The following DCDC2C variants were observed in gnomAD, a reference collection of about 807,000 sequenced individuals.
DCDC2C encodes doublecortin domain containing 2C, also known as doublecortin domain-containing protein 2C.
DCDC2C carries 44 observed loss-of-function variants against 45.0 expected under a neutral mutation model. The observed-to-expected ratio is 0.98, with a 90% CI of 0.77 to 1.26. The LOEUF (loss-of-function observed/expected upper bound fraction) is 1.26. Among genes scored for constraint, DCDC2C ranks in the 50% most tolerant of loss-of-function variants. DCDC2C has a pLI of 0.00. For missense variants in DCDC2C, 447 were observed against 468.9 expected, an observed-to-expected ratio of 0.95 and a Z score of 0.43; for synonymous variants, 187 against 178.8, an observed-to-expected ratio of 1.05 and a Z score of -0.37.
intron 10 of DCDC2C, among the ~76,000 whole-genome samples, chr2:3,801,304 G>A (rs893584956): frequency 1.3e-5 from 2 of 152,182 alleles, no homozygotes; most frequent in African/African-American, 4.8e-5. Flanking sequence ...ACCTATGTAC[G>A]TAACCTGTCC....
intron 10 of DCDC2C, among the ~76,000 whole-genome samples, chr2:3,826,091 A>G (rs1016592733): frequency 6.6e-6 from 1 of 152,230 alleles, no homozygotes. Flanking sequence ...AAATTTATAT[A>G]TTCTGTAATA....
At chr2:3,721,240 C>T (rs1668491672) in intron 2 of DCDC2C, among the ~76,000 whole-genome samples, 1 of 152,016 alleles carries the variant, frequency 6.6e-6, no homozygotes, top group Non-Finnish European at 1.5e-5. Flanking sequence ...TATTTCATTG[C>T]ATCTGTTCTA....
intron 10 of DCDC2C, among the ~76,000 whole-genome samples, chr2:3,826,770 C>A (rs979307285): frequency 9.2e-5 from 14 of 152,150 alleles, no homozygotes; most frequent in African/African-American, 3.1e-4. Context: ...AAAGCACCTG[C>A]AGCCCCCATT....
intron 4 of DCDC2C, among the ~76,000 whole-genome samples, chr2:3,750,436 G>A (rs1033436938): frequency 6.6e-6 from 1 of 152,120 alleles, no homozygotes; most frequent in Admixed American, 6.5e-5. Context: ...TTCTTGGCGT[G>A]GGTGTCTGTG....
At chr2:3,731,565 T>C (rs993031212) in intron 3 of DCDC2C, among the ~76,000 whole-genome samples, 2 of 152,242 alleles carry the variant, frequency 1.3e-5, no homozygotes, top group Admixed American at 1.3e-4. Context: ...TTCTCACTGA[T>C]TGCGCCTTTT....
intron 10 of DCDC2C, among the ~76,000 whole-genome samples, chr2:3,815,731 G>A (rs768714576): frequency 4.6e-5 from 7 of 151,208 alleles, no homozygotes; most frequent in Non-Finnish European, 8.8e-5. Flanking sequence ...TTGTTCTCTG[G>A]CAGGGGCAGG....
chr2:3,729,781 A>T (rs1668807741), intron 3 of DCDC2C, among the ~76,000 whole-genome samples: 1 of 152,202 alleles, frequency 6.6e-6, no homozygotes, highest in African/African-American at 2.4e-5. Flanking sequence ...CTGGATGAAC[A>T]GTAAATGTTC....
At chr2:3,826,438 T>C (rs556239349) in intron 10 of DCDC2C, among the ~76,000 whole-genome samples, 1 of 152,362 alleles carries the variant, frequency 6.6e-6, no homozygotes, top group South Asian at 2.1e-4. Flanking sequence ...TTAATTGATA[T>C]AATGCTTGGG....
At chr2:3,759,237 T>G (rs1000874536) in intron 6 of DCDC2C, among the ~76,000 whole-genome samples, 4 of 152,198 alleles carry the variant, frequency 2.6e-5, no homozygotes, top group African/African-American at 9.6e-5. Context: ...ATGTAAAATC[T>G]TGGAGGGTAT....
chr2:3,728,227 C>T (rs940548609), intron 3 of DCDC2C, among the ~76,000 whole-genome samples: 4 of 152,152 alleles, frequency 2.6e-5, no homozygotes, highest in African/African-American at 9.7e-5. Flanking sequence ...GAAATGTGGC[C>T]GAGAATTCGC....
intron 10 of DCDC2C, among the ~76,000 whole-genome samples, chr2:3,836,171 A>G (rs1672070455): frequency 6.6e-6 from 1 of 152,194 alleles, no homozygotes; most frequent in Admixed American, 6.5e-5. Flanking sequence ...GATGTAATAT[A>G]ACTCTTGGTA....
chr2:3,724,520 C>G (rs189877064), intron 2 of DCDC2C, among the ~76,000 whole-genome samples: 8 of 152,322 alleles, frequency 5.3e-5, no homozygotes, highest in Admixed American at 4.6e-4. Flanking sequence ...TATGCAGCTC[C>G]TTCTCTCTCA....
intron 10 of DCDC2C, among the ~76,000 whole-genome samples, chr2:3,843,396 C>A (rs1452238396): frequency 6.6e-6 from 1 of 152,208 alleles, no homozygotes; most frequent in Non-Finnish European, 1.5e-5. Flanking sequence ...GTGCCGAGTT[C>A]TCCACGTCAG....
chr2:3,812,265 T>C (rs1476195868), intron 10 of DCDC2C, among the ~76,000 whole-genome samples: 1 of 151,988 alleles, frequency 6.6e-6, no homozygotes, highest in Non-Finnish European at 1.5e-5. Context: ...TCAGAACTTG[T>C]TATTGGTCTA....
At chr2:3,721,013 G>GT (rs1558562389) in intron 2 of DCDC2C, among the ~76,000 whole-genome samples, 1 of 151,968 alleles carries the variant, frequency 6.6e-6, no homozygotes, top group Non-Finnish European at 1.5e-5. Flanking sequence ...CGTTCATTTC[G>GT]TTTAAGTTGT....
chr2:3,842,927 G>A (rs1672250577), intron 10 of DCDC2C, among the ~76,000 whole-genome samples: 1 of 152,194 alleles, frequency 6.6e-6, no homozygotes, highest in Non-Finnish European at 1.5e-5. Context: ...CTAGTTGCCT[G>A]GCCCCGTTTA....
intron 3 of DCDC2C, among the ~76,000 whole-genome samples, chr2:3,737,237 G>A (rs186764809): frequency 6.6e-5 from 10 of 152,282 alleles, no homozygotes; most frequent in Admixed American, 3.3e-4. Context: ...AATCAGCCCC[G>A]AAGACCATGG....
intron 3 of DCDC2C, 145 bp from the exon 4 acceptor site, chr2:3,741,775 C>A: frequency 1.2e-6 from 1 of 863,258 alleles, no homozygotes; most frequent in East Asian, 3.1e-5. Context: ...GATAAGGTCC[C>A]CAATAAGACA....
chr2:3,735,912 GA>G (rs1363399836), intron 3 of DCDC2C, among the ~76,000 whole-genome samples: 1 of 152,050 alleles, frequency 6.6e-6, no homozygotes, highest in African/African-American at 2.4e-5. Context: ...GCATGGATTG[GA>G]AATATAGGGC....
Sources: allele counts gnomAD v4.1 joint callset (sites outside exome capture counted in the v4.1 genomes callset), GRCh38; gene constraint gnomAD v4.1.1; transcripts MANE v1.5; gene names NCBI Gene and HGNC (gene_info 2026-07-23, HGNC 2026-07-21).